GFOD1: variants seen among roughly 807,000 people sequenced by gnomAD.
GFOD1 encodes the protein Gfo/Idh/MocA-like oxidoreductase domain containing 1.
A neutral mutation model predicts 25.4 loss-of-function variants in GFOD1; 9 were observed. The observed-to-expected ratio is 0.35, with a 90% CI of 0.21 to 0.62. The LOEUF is 0.62. GFOD1 is among the 20% of genes least tolerant of loss of function. The pLI is 0.72. For missense variants in GFOD1, 403 were observed against 556.9 expected, an observed-to-expected ratio of 0.72 and a Z score of 2.78; for synonymous variants, 253 against 245.6, an observed-to-expected ratio of 1.03 and a Z score of -0.28.
chr6:13,477,917 A>G (rs1408287983), intron 1 of GFOD1, among the ~76,000 whole-genome samples: 1 of 152,042 alleles, frequency 6.6e-6, no homozygotes, highest in South Asian at 2.1e-4. Flanking sequence ...TACAAAAATT[A>G]GCCAGGCGTG....
chr6:13,431,303 C>T (rs1757745683), intron 1 of GFOD1, among the ~76,000 whole-genome samples: 1 of 152,200 alleles, frequency 6.6e-6, no homozygotes, highest in Admixed American at 6.5e-5. Context: ...GATGAAGAAA[C>T]TGAGGCTCAG....
chr6:13,411,515 C>A (rs993822692), intron 1 of GFOD1, among the ~76,000 whole-genome samples: 1 of 152,148 alleles, frequency 6.6e-6, no homozygotes, highest in Non-Finnish European at 1.5e-5. Flanking sequence ...TGGTCTCGAT[C>A]TCCTGACCTC....
At chr6:13,397,223 G>T (rs1785750438) in intron 1 of GFOD1, among the ~76,000 whole-genome samples, 1 of 152,206 alleles carries the variant, frequency 6.6e-6, no homozygotes, top group African/African-American at 2.4e-5. Context: ...ACAGGTGCAA[G>T]CCATGGCGCC....
At chr6:13,467,717 G>A (rs1358070639) in intron 1 of GFOD1, among the ~76,000 whole-genome samples, 1 of 152,192 alleles carries the variant, frequency 6.6e-6, no homozygotes, top group Non-Finnish European at 1.5e-5. Context: ...TGATAGGACT[G>A]TTCCAGCTGT....
chr6:13,456,821 C>T (rs1287353795), intron 1 of GFOD1, among the ~76,000 whole-genome samples: 1 of 152,166 alleles, frequency 6.6e-6, no homozygotes. Flanking sequence ...CCTTCCTATT[C>T]AGACAATCAC....
chr6:13,479,280 C>G (rs377464357), intron 1 of GFOD1, among the ~76,000 whole-genome samples: 1 of 152,106 alleles, frequency 6.6e-6, no homozygotes. Flanking sequence ...GAGCTGAGGG[C>G]AGCTGCCAGG....
intron 1 of GFOD1, among the ~76,000 whole-genome samples, chr6:13,420,034 G>A (rs1412721769): frequency 1.3e-5 from 2 of 152,198 alleles, no homozygotes; most frequent in Non-Finnish European, 2.9e-5. Flanking sequence ...CAGGCAGGAC[G>A]TGGTCTGCCT....
intron 1 of GFOD1, among the ~76,000 whole-genome samples, chr6:13,377,300 G>A (rs763187870): frequency 6.6e-6 from 1 of 152,184 alleles, no homozygotes; most frequent in Non-Finnish European, 1.5e-5. Flanking sequence ...CCCATTTACT[G>A]CTTTTCAGTT....
intron 1 of GFOD1, among the ~76,000 whole-genome samples, chr6:13,467,838 C>T (rs1453165779): frequency 3.9e-5 from 6 of 152,204 alleles, no homozygotes; most frequent in Non-Finnish European, 1.5e-5. Context: ...CAATTACTCT[C>T]CTAAACAACG....
chr6:13,373,660 T>G (rs1785191913), intron 1 of GFOD1, among the ~76,000 whole-genome samples: 1 of 151,832 alleles, frequency 6.6e-6, no homozygotes, highest in Non-Finnish European at 1.5e-5. Flanking sequence ...ACTCTCTCAC[T>G]CACTTACTGC....
chr6:13,377,252 A>G (rs1332717296), intron 1 of GFOD1, among the ~76,000 whole-genome samples: 2 of 152,178 alleles, frequency 1.3e-5, no homozygotes, highest in Non-Finnish European at 2.9e-5. Flanking sequence ...TATTGCTGCT[A>G]TAACAAACCA....
rs76377545 is a variant in GFOD1, at chr6:13,408,216, G to A, written c.254-42554C>T. The stretch of plus-strand genomic sequence containing the variant: ...TGAATGTGGCCTTGGGCCAGACTAT[G>A]GCAGGCAAAGGTTAATTTCCTTTCC... On this transcript the variant is annotated intron_variant, in intron 1 of 1. Transcript: ENST00000379287. 486 of 385,846 alleles carry A rather than the reference G, an allele frequency of 1.3e-3. 2 individuals are homozygous for A. Among genetic ancestry groups the A allele is most frequent in the African/African-American group, 9.9e-3 (456 of 46,180 alleles). The allele number at this position is 385,846 out of a possible 1,614,324, so 23.9% of individuals were successfully genotyped here. A position where few individuals can be genotyped will look rare whatever the true frequency, so the allele number is the denominator to read the frequency against.
chr6:13,450,012 T>A (rs559061247), intron 1 of GFOD1, among the ~76,000 whole-genome samples: 1 of 152,208 alleles, frequency 6.6e-6, no homozygotes, highest in Non-Finnish European at 1.5e-5. Context: ...AATTAAGGAA[T>A]GCTGCTGCTG....
In GFOD1 at chr6:13,477,217, G is replaced by GTGTA. The variant is rs869064754; in HGVS notation, c.253+9420_253+9421insTACA. Among the ~76,000 whole-genome samples, 3 of 137,644 alleles carry GTGTA rather than the reference G, an allele frequency of 2.2e-5. No individual in the cohort carries two copies. In the South Asian group the frequency reaches 7.0e-4, roughly 32 times the overall value. The allele number at this position is 137,644 out of a possible 152,430, so 90.3% of individuals were successfully genotyped here. On this transcript the variant is annotated intron_variant, in intron 1 of 1. Coordinates refer to ENST00000379287, the MANE Select transcript of GFOD1 (RefSeq NM_018988.4). ...ACCAGAGAAACAGAACCAATAGGGG[G>GTGTA]TGTGTGTGTGTGTGTGTGTGTGTGT...
In GFOD1 at chr6:13,363,678, G is replaced by A. The variant is rs1385196009; in HGVS notation, c.*1065C>T. The A allele has an allele frequency of 4.0e-5, 6 of 150,312 alleles. No homozygotes were observed. In the Admixed American group the frequency reaches 4.0e-4, roughly 10 times the overall value. The allele number at this position is 150,312 out of a possible 1,614,324, so 9.3% of individuals were successfully genotyped here. ...CTAAAAGCTCTTGCCCAGCTTGGTAGGAGAGATGCGCGATAGAGCCCCAAA... is the reference window on the plus strand; with the variant it reads ...CTAAAAGCTCTTGCCCAGCTTGGTAAGAGAGATGCGCGATAGAGCCCCAAA... On this transcript the variant is annotated 3_prime_UTR_variant, in exon 2 of 2. Coordinates refer to ENST00000379287, the MANE Select transcript of GFOD1 (RefSeq NM_018988.4).
chr6:13,384,513 G>A (rs771870627), intron 1 of GFOD1, among the ~76,000 whole-genome samples: 9 of 152,238 alleles, frequency 5.9e-5, no homozygotes, highest in African/African-American at 1.9e-4. Flanking sequence ...TTCCTGAAAC[G>A]TAGGAGCCTT....
At chr6:13,407,376 T>C (rs773456440) in intron 1 of GFOD1, among the ~76,000 whole-genome samples, 2 of 152,224 alleles carry the variant, frequency 1.3e-5, no homozygotes, top group Non-Finnish European at 2.9e-5. Context: ...ACTTTTCTTA[T>C]TGATGAAGAA....
At chr6:13,403,962 T>C (rs1339467200) in intron 1 of GFOD1, among the ~76,000 whole-genome samples, 2 of 152,254 alleles carry the variant, frequency 1.3e-5, no homozygotes, top group East Asian at 1.9e-4. Context: ...TGTACAACTC[T>C]GTGAATACAT....
At chr6:13,437,542 A>G (rs1757852619) in intron 1 of GFOD1, among the ~76,000 whole-genome samples, 1 of 152,236 alleles carries the variant, frequency 6.6e-6, no homozygotes, top group Non-Finnish European at 1.5e-5. Flanking sequence ...AATTAATTTA[A>G]ATGTAAATAA....
Sources: allele counts gnomAD v4.1 joint callset (sites outside exome capture counted in the v4.1 genomes callset), GRCh38; gene constraint gnomAD v4.1.1; transcripts MANE v1.5; gene names NCBI Gene and HGNC (gene_info 2026-07-23, HGNC 2026-07-21).